Variants in ANO9 observed in about 807,000 individuals in gnomAD.
The protein encoded by ANO9 is anoctamin 9, also known as anoctamin-9.
Under a neutral mutation model 100.5 loss-of-function variants are expected in ANO9, and 80 were observed. The ratio of observed to expected loss-of-function variants is 0.80; its 90% CI spans 0.66 to 0.96. The LOEUF is 0.96. ANO9 is among the 40% of genes least tolerant of loss of function. The probability of loss-of-function intolerance (pLI) is 0.00; values close to 1 mark genes in which losing one functional copy is unlikely to be tolerated. For synonymous variants in ANO9, 473 were observed against 435.6 expected (o/e 1.09, Z -1.07); for missense variants, 1,064 against 1,072.7 (o/e 0.99, Z 0.11).
chr11:430,218 G>A (rs1848814003), intron 8 of ANO9, 39 bp from the exon 9 acceptor site: 1 of 1,550,410 alleles, frequency 6.4e-7, no homozygotes, highest in Non-Finnish European at 8.7e-7. Context: ...GGCTCCTCCA[G>A]GCAGCAGGGC....
At position 433,309 on chromosome 11, in the gene ANO9, C is replaced by T; in HGVS notation, c.350+5G>A. 1 of 1,611,654 alleles carries T rather than the reference C, an allele frequency of 6.2e-7. No individual in the cohort carries two copies. The highest frequency in any genetic ancestry group is 8.5e-7 in the Non-Finnish European group (1 of 1,179,286). On this transcript the variant is annotated splice_donor_5th_base_variant and intron_variant, in intron 4 of 22. Coordinates refer to ENST00000332826, the MANE Select transcript of ANO9 (RefSeq NM_001012302.3). ...CTGGCCACGGCTCTGGGTGCAGCCT[C>T]TCACCTCGTGGTGACCGGGATGGTG...
chr11:429,809 G>T lies in ANO9; in HGVS notation c.781C>A (p.Leu261Ile), dbSNP rs746653401. 21 of 1,605,314 alleles carry T rather than the reference G, an allele frequency of 1.3e-5. No individual in the cohort carries two copies. Among genetic ancestry groups the T allele is most frequent in the Non-Finnish European group, 1.6e-5 (19 of 1,174,608 alleles). The change falls in exon 10 of 23, where the codon CTC becomes ATC. Residue 261 changes from leucine (L) to isoleucine (I), a missense_variant. Coordinates refer to ENST00000332826, the MANE Select transcript of ANO9 (RefSeq NM_001012302.3). ...ETCTFAKLTHLFDNDGTVVFA... is the reference protein window; with the variant it reads ...ETCTFAKLTHIFDNDGTVVFA... ...ACCACCGTGCCATCATTGTCAAAGA[G>T]GTGGGTGAGCTGGGGGGGTGATAGG...
rs763895594 is a variant in ANO9, at chr11:420,639, C to T, written c.1634-24G>A. The T allele has an allele frequency of 3.1e-6, 5 of 1,603,236 alleles. No homozygotes were observed. In the Admixed American group the frequency reaches 6.7e-5, roughly 21 times the overall value. On this transcript the variant is annotated intron_variant, in intron 18 of 22. Coordinates refer to ENST00000332826, the MANE Select transcript of ANO9 (RefSeq NM_001012302.3). ...CACTGCGCGGTGGGGGTCAGGCTCA[C>T]CGGCGCCCCGCACTCATGTCCGCGG...
In ANO9 at chr11:417,963, C is replaced by A; in HGVS notation, c.*408G>T. Reference sequence around the variant, plus strand: ...GACAGGCTTAATTTTACTGCAGAAACGGGTTGGCTGAAGGGAACAGGCCAG... The same window carrying A: ...GACAGGCTTAATTTTACTGCAGAAAAGGGTTGGCTGAAGGGAACAGGCCAG... On this transcript the variant is annotated 3_prime_UTR_variant, in exon 23 of 23. Transcript: ENST00000332826. This position sits in a 1 kb window ranked among gnomAD's most constrained non-coding sequence, Gnocchi z 4.2. 1 of 189,854 alleles carries A rather than the reference C, an allele frequency of 5.3e-6. No individual in the cohort carries two copies. The highest frequency in any genetic ancestry group is 1.1e-5 in the Non-Finnish European group (1 of 92,618). 11.8% of individuals were successfully genotyped at this position (189,854 alleles called of 1,614,324 possible).
chr11:420,576 A>C lies in ANO9; in HGVS notation c.1673T>G (p.Phe558Cys). 2 of 1,605,332 alleles carry C rather than the reference A, an allele frequency of 1.2e-6. No individual in the cohort carries two copies. The highest frequency in any genetic ancestry group is 1.7e-6 in the Non-Finnish European group (2 of 1,179,552). The change falls in exon 19 of 23, where the codon TTC becomes TGC. Residue 558 changes from phenylalanine to cysteine, a missense_variant. By Grantham distance (205) the Phe-to-Cys change is radical (BLOSUM62 -2). Coordinates refer to ENST00000332826, the MANE Select transcript of ANO9 (RefSeq NM_001012302.3). ...GAGCGCGAGCAGCGGCGCCAGCGGGAAGGCGGCCACGAAGATGGTGGTGAA... is the reference window on the plus strand; with the variant it reads ...GAGCGCGAGCAGCGGCGCCAGCGGGCAGGCGGCCACGAAGATGGTGGTGAA... ...YGFTTIFVAA[F>C]PLAPLLALFS...
rs1203491335 is a variant in ANO9 at position 419,693 on chromosome 11, A to T, written c.1823T>A (p.Leu608Gln). The T allele has an allele frequency of 3.7e-6, 6 of 1,607,952 alleles. No individual in the cohort carries two copies. The highest frequency in any genetic ancestry group is 4.2e-6 in the Non-Finnish European group (5 of 1,178,714). The change falls in exon 20 of 23, where the codon CTG becomes CAG. Residue 608 changes from leucine (L) to glutamine (Q), a missense_variant. Coordinates refer to ENST00000332826, the MANE Select transcript of ANO9 (RefSeq NM_001012302.3). ...GACCATCCCATTGGCAATGACCGCC[A>T]GCACACCGATGGTCTCCAGCACCTG... ...WLQVLETIGV[L>Q]AVIANGMVIA...
rs771570409 is a variant in ANO9, at chr11:429,722, C to G, written c.832+36G>C. On this transcript the variant is annotated intron_variant, in intron 10 of 22. Coordinates refer to ENST00000332826, the MANE Select transcript of ANO9 (RefSeq NM_001012302.3). Reference sequence around the variant, plus strand: ...GACCTCGGAGCTTGGGCTGGCACTTCCCCTGGCCCCGCAGAGGCGTCCCGC... The same window carrying G: ...GACCTCGGAGCTTGGGCTGGCACTTGCCCTGGCCCCGCAGAGGCGTCCCGC... The G allele has an allele frequency of 3.7e-6, 6 of 1,611,900 alleles. No individual in the cohort carries two copies. In the East Asian group the frequency reaches 1.3e-4, roughly 36 times the overall value.
chr11:438,703 C>T (rs565253519), intron 1 of ANO9, among the ~76,000 whole-genome samples: 57 of 152,184 alleles, frequency 3.7e-4, no homozygotes, highest in African/African-American at 1.2e-3. Context: ...CCAGTGTTTA[C>T]GGACCACGGG....
In ANO9 at chr11:432,191, G is replaced by A; in HGVS notation, c.351-137C>T. ...CCCCAGCCTGCCAGCCCTGACCAGA[G>A]CCCAGAATCCACAACTCACCCGGGA... On this transcript the variant is annotated intron_variant, in intron 4 of 22. Coordinates refer to ENST00000332826, the MANE Select transcript of ANO9 (RefSeq NM_001012302.3). This position sits in a 1 kb window ranked among gnomAD's most constrained non-coding sequence, Gnocchi z 4.8. 4 of 946,882 alleles carry A rather than the reference G, an allele frequency of 4.2e-6. No individual in the cohort carries two copies. Among genetic ancestry groups the A allele is most frequent in the Non-Finnish European group, 4.7e-6 (3 of 632,694 alleles). The allele number at this position is 946,882 out of a possible 1,614,324, so 58.7% of individuals were successfully genotyped here.
chr11:438,455 C>T, intron 1 of ANO9, among the ~76,000 whole-genome samples: 1 of 146,074 alleles, frequency 6.8e-6, no homozygotes, highest in Non-Finnish European at 1.5e-5. Context: ...GTGTAGCCAC[C>T]CCCTGACACA....
At position 420,766 on chromosome 11, in the gene ANO9, G is replaced by C; in HGVS notation, c.1585C>G (p.Leu529Val). 1 of 1,604,682 alleles carries C rather than the reference G, an allele frequency of 6.2e-7. No individual in the cohort carries two copies. Among genetic ancestry groups the C allele is most frequent in the South Asian group, 1.1e-5 (1 of 90,468 alleles). Reference protein sequence around the residue: ...ELRDWRRNYLLNPVNTFSLFD... With the variant: ...ELRDWRRNYLVNPVNTFSLFD... ...AGGCTGAAGGTGTTGACCGGGTTCAGAAGGTAGTTGCGCCGCCAGTCCCTG... is the reference window on the plus strand; with the variant it reads ...AGGCTGAAGGTGTTGACCGGGTTCACAAGGTAGTTGCGCCGCCAGTCCCTG... The change falls in exon 18 of 23, where the codon CTG (leucine) becomes GTG (valine). Residue 529 changes from leucine (L) to valine (V), a missense_variant. Physicochemically the swap from Leu to Val is conservative, Grantham distance 32. Transcript: ENST00000332826.
At position 432,075 on chromosome 11, in the gene ANO9, G is replaced by T. The variant is rs201269376; in HGVS notation, c.351-21C>A. 13 of 1,612,308 alleles carry T rather than the reference G, an allele frequency of 8.1e-6. No homozygotes were observed. Among genetic ancestry groups the T allele is most frequent in the Middle Eastern group, 1.7e-4 (1 of 6,040 alleles). ...TGAGACTCAAGAGCCAGAGCAGGGT[G>T]GCCCCGTGTGACCACAGTGGACCCT... On this transcript the variant is annotated intron_variant, in intron 4 of 22. Coordinates refer to ENST00000332826, the MANE Select transcript of ANO9 (RefSeq NM_001012302.3). This position sits in a 1 kb window ranked among gnomAD's most constrained non-coding sequence, Gnocchi z 4.8.
In ANO9 at chr11:418,311, T is replaced by C; in HGVS notation, c.*60A>G. On this transcript the variant is annotated 3_prime_UTR_variant, in exon 23 of 23. Transcript: ENST00000332826. ...CTCAACACGCACAGCGGTGGGCTTG[T>C]GGGAGGTGCTGGTGGTGGCACTGTC... 2 of 1,455,046 alleles carry C rather than the reference T, an allele frequency of 1.4e-6. No individual in the cohort carries two copies. The highest frequency in any genetic ancestry group is 1.8e-6 in the Non-Finnish European group (2 of 1,086,488). The allele number at this position is 1,455,046 out of a possible 1,614,324, so 90.1% of individuals were successfully genotyped here.
In ANO9 at chr11:434,014, G is replaced by T. The variant is rs373000615; in HGVS notation, c.81+10C>A. On this transcript the variant is annotated intron_variant, in intron 2 of 22. Transcript: ENST00000332826. ...CAGGTGGGGCCCGGGAGGGGCCCCC[G>T]GACACCCACCTCACAGGTGCTGATC... 25 of 1,550,382 alleles carry T rather than the reference G, an allele frequency of 1.6e-5. No individual in the cohort carries two copies. The highest frequency in any genetic ancestry group is 2.2e-5 in the Non-Finnish European group (25 of 1,147,014).
chr11:438,523 G>A (rs948929145), intron 1 of ANO9, among the ~76,000 whole-genome samples: 4 of 150,228 alleles, frequency 2.7e-5, no homozygotes, highest in African/African-American at 2.5e-5. Flanking sequence ...CTCAGGCTCC[G>A]AGACTCTGCT....
Position 434,068 on chromosome 11 carries a change from G to T in ANO9, c.37C>A (p.Pro13Thr). ...GEESLRILVE[P>T]EGDSFPLMEI... The stretch of plus-strand genomic sequence containing the variant: ...ATCAGCGGGAAGCTGTCCCCTTCGG[G>T]CTCCACCAGGATCCGGAGGCTCTCT... The change falls in exon 2 of 23, where the codon CCC (proline) becomes ACC (threonine). Residue 13 changes from proline (P) to threonine (T), a missense_variant. Coordinates refer to ENST00000332826, the MANE Select transcript of ANO9 (RefSeq NM_001012302.3). 6.4e-7 allele frequency: 1 copy of T among 1,550,840 alleles called. No individual in the cohort carries two copies. Among genetic ancestry groups the T allele is most frequent in the Non-Finnish European group, 8.7e-7 (1 of 1,147,260 alleles).
chr11:430,279 T>C lies in ANO9; in HGVS notation c.664A>G (p.Ser222Gly). 1 of 1,573,418 alleles carries C rather than the reference T, an allele frequency of 6.4e-7. No homozygotes were observed. Among genetic ancestry groups the C allele is most frequent in the South Asian group, 1.2e-5 (1 of 85,800 alleles). Residue 222 changes from serine (S) to glycine (G), a missense_variant, in exon 8 of 23, where the codon AGC (serine) becomes GGC (glycine). By Grantham distance (56) the Ser-to-Gly change is moderately conservative. Coordinates refer to ENST00000332826, the MANE Select transcript of ANO9 (RefSeq NM_001012302.3). ...FLSGFSLFEA[S>G]QISKEICEAH... ...CCTGCTGCGGCCCACCTGATCTGGC[T>C]GGCCTCAAACAGCGAGAATCCGCTC... is the stretch of plus-strand genomic sequence containing the variant.
chr11:429,735 A>C, intron 10 of ANO9, 23 bp downstream of exon 10: 1 of 1,611,674 alleles, frequency 6.2e-7, no homozygotes, highest in Non-Finnish European at 8.5e-7. Context: ...CTGGCCCCGC[A>C]GAGGCGTCCC....
At chr11:439,964 G>A (rs1040547202) in intron 1 of ANO9, among the ~76,000 whole-genome samples, 39 of 152,240 alleles carry the variant, frequency 2.6e-4, no homozygotes, top group East Asian at 2.3e-3. Flanking sequence ...ACGCAGGGGC[G>A]GGGGCCTACT....
Sources: gnomAD v4.1 joint callset for allele counts (sites outside exome capture counted in the v4.1 genomes callset) on GRCh38, gnomAD v4.1.1 for gene constraint, Gnocchi (gnomAD v3.1) non-coding constraint, MANE v1.5 for transcripts, NCBI Gene and HGNC (gene_info 2026-07-23, HGNC 2026-07-21) for gene names.